Variants in APC observed in about 807,000 individuals in gnomAD.
The protein encoded by APC is adenomatous polyposis coli protein.
A neutral mutation model predicts 247.0 loss-of-function variants in APC; 72 were observed. That is an observed-to-expected ratio of 0.29 (90% CI 0.24 to 0.35). The LOEUF (loss-of-function observed/expected upper bound fraction) is 0.35. APC is among the 10% of genes least tolerant of loss of function. APC has a pLI of 1.00. For missense variants in APC, 3,400 were observed against 3,360.7 expected, an observed-to-expected ratio of 1.01 and a Z score of -0.29; for synonymous variants, 1,254 against 1,162.5, an observed-to-expected ratio of 1.08 and a Z score of -1.60.
chr5:112,835,138 G>C lies in APC; in HGVS notation c.1931G>C (p.Ser644Thr), dbSNP rs1285828931. The C allele has an allele frequency of 6.2e-7, 1 of 1,614,006 alleles. No individual in the cohort carries two copies. Among genetic ancestry groups the C allele is most frequent in the African/African-American group, 1.3e-5 (1 of 75,028 alleles). ...SGGGILRNVS[S>T]LIATNEDHRQ... ...GGTGGGATATTACGGAATGTGTCCA[G>C]CTTGATAGCTACAAATGAGGACCAC... The change falls in exon 15 of 16, where the codon AGC becomes ACC. Residue 644 changes from serine to threonine, a missense_variant. By Grantham distance (58) the Ser-to-Thr change is moderately conservative. Around this residue, in one of 9 missense-constraint regions of APC, gnomAD observed 184 missense variants for 248.0 expected, o/e 0.74. Transcript: ENST00000257430.
chr5:112,819,445 G>T (rs1041215252), intron 10 of APC, 101 bp downstream of exon 10: 1 of 1,456,902 alleles, frequency 6.9e-7, no homozygotes, highest in East Asian at 2.3e-5. Flanking sequence ...TTATGACTAA[G>T]AGGAGAAAAT....
chr5:112,835,597 G>C (rs1764805602), intron 15 of APC, among the ~76,000 whole-genome samples: 3 of 145,302 alleles, frequency 2.1e-5, no homozygotes, highest in Admixed American at 1.4e-4. Context: ...TTTTGAGACA[G>C]GGTCTCACTC....
intron 3 of APC, among the ~76,000 whole-genome samples, chr5:112,766,974 A>T (rs1756404791): frequency 6.6e-6 from 1 of 152,230 alleles, no homozygotes. Context: ...CTAAGGAAGT[A>T]CATTTTATCT....
intron 5 of APC, among the ~76,000 whole-genome samples, chr5:112,779,606 A>C (rs1326950225): frequency 1.3e-5 from 2 of 152,230 alleles, no homozygotes; most frequent in Non-Finnish European, 2.9e-5. Context: ...CCTACTTATC[A>C]AAACATTACT....
At chr5:112,708,777 G>C (rs1236327674) in intron 1 of APC, among the ~76,000 whole-genome samples, 1 of 152,158 alleles carries the variant, frequency 6.6e-6, no homozygotes, top group Non-Finnish European at 1.5e-5. Flanking sequence ...ATTCTCGATT[G>C]TTGTTACTGT....
rs557657050 is a variant in APC at position 112,754,220 on chromosome 5, A to G, written c.-18-653A>G. On this transcript the variant is annotated intron_variant, in intron 1 of 15. Coordinates refer to ENST00000257430, the MANE Select transcript of APC (RefSeq NM_000038.6). ...TAGGCTATTATAGTCAACCTTTTGA[A>G]TAAATGTGATTGAACTTTATGTTAG... 3.9e-5 allele frequency among the ~76,000 whole-genome samples: 6 copies of G among 152,282 alleles called. No homozygotes were observed. The South Asian group carries it at 1.2e-3, about 32-fold the overall frequency.
chr5:112,719,063 T>G (rs1439662450), intron 1 of APC, among the ~76,000 whole-genome samples: 1 of 152,154 alleles, frequency 6.6e-6, no homozygotes, highest in East Asian at 1.9e-4. Flanking sequence ...AGGGTAGGAA[T>G]TATGTAAGCA....
chr5:112,842,540 C>T lies in APC; in HGVS notation c.6946C>T (p.Pro2316Ser), dbSNP rs2149976923. The T allele has an allele frequency of 6.2e-7, 1 of 1,613,996 alleles. No homozygotes were observed. The highest frequency in any genetic ancestry group is 1.3e-5 in the African/African-American group (1 of 75,026). ...DSTPSRPAQQ[P>S]LSRPIQSPGR... Reference sequence around the variant, plus strand: ...GACCCCTTCAAGACCTGCCCAGCAACCATTAAGTAGACCTATACAGTCTCC... The same window carrying T: ...GACCCCTTCAAGACCTGCCCAGCAATCATTAAGTAGACCTATACAGTCTCC... The change falls in exon 16 of 16, where the codon CCA becomes TCA. Residue 2316 changes from proline to serine, a missense_variant. This residue lies in a region of APC where 1,788 missense variants were observed against 1,649.5 expected (regional missense o/e 1.08). Transcript: ENST00000257430.
chr5:112,815,391 A>G (rs1312920347), intron 8 of APC, 104 bp from the exon 9 acceptor site: 7 of 787,264 alleles, frequency 8.9e-6, no homozygotes, highest in South Asian at 1.4e-5. Context: ...TGATGTATTT[A>G]ATTGTTTATC....
rs1760163690 is a variant in APC, at chr5:112,795,883, C to T, written c.729+3354C>T. On this transcript the variant is annotated intron_variant, in intron 7 of 15. Coordinates refer to ENST00000257430, the MANE Select transcript of APC (RefSeq NM_000038.6). ...CAAGAGAAAGAGATGAGTGAAACTACAGAGTAAAGATGAAGGGACATCCTG... is the reference window on the plus strand; with the variant it reads ...CAAGAGAAAGAGATGAGTGAAACTATAGAGTAAAGATGAAGGGACATCCTG... Among the ~76,000 whole-genome samples, 6 of 152,070 alleles carry T rather than the reference C, an allele frequency of 3.9e-5. No homozygotes were observed. The South Asian group carries it at 1.0e-3, about 26-fold the overall frequency.
rs1245729895 is a variant in APC, at chr5:112,718,169, T to G, written c.165+10287T>G. Among the ~76,000 whole-genome samples, 7 of 152,170 alleles carry G rather than the reference T, an allele frequency of 4.6e-5. No homozygotes were observed. In the South Asian group the frequency reaches 8.3e-4, roughly 18 times the overall value. ...TAAGTGTGGCCTTTATCCCCTTGAA[T>G]GTAGTAAGCATAGTTATTTTTCAGT... On this transcript the variant is annotated intron_variant, in intron 1 of 13. Coordinates refer to the APC transcript ENST00000507379.
At chr5:112,792,258 A>G (rs1759701980) in intron 6 of APC, among the ~76,000 whole-genome samples, 188 bp from the exon 7 acceptor site, 1 of 152,046 alleles carries the variant, frequency 6.6e-6, no homozygotes, top group Non-Finnish European at 1.5e-5. Flanking sequence ...AAAAAAAAGA[A>G]AAAAAGAAAA....
upstream of APC, among the ~76,000 whole-genome samples, chr5:112,734,443 A>C (rs1752262586): frequency 1.3e-5 from 2 of 152,202 alleles, no homozygotes; most frequent in South Asian, 4.1e-4. Context: ...AAGGTTTCTA[A>C]ATCTGAGCTT....
intron 7 of APC, among the ~76,000 whole-genome samples, chr5:112,795,979 A>G (rs1760175670): frequency 6.6e-6 from 1 of 152,230 alleles, no homozygotes; most frequent in Non-Finnish European, 1.5e-5. Flanking sequence ...GATTAAGTCC[A>G]AGAAGATGAA....
At chr5:112,773,659 G>A (rs1757295379) in intron 4 of APC, among the ~76,000 whole-genome samples, 1 of 152,138 alleles carries the variant, frequency 6.6e-6, no homozygotes, top group Non-Finnish European at 1.5e-5. Flanking sequence ...GGGAATTCTT[G>A]TATAAGTGGA....
intron 6 of APC, among the ~76,000 whole-genome samples, chr5:112,788,252 A>G (rs1338461622): frequency 6.6e-6 from 1 of 152,176 alleles, no homozygotes; most frequent in African/African-American, 2.4e-5. Context: ...AAAATGTAGT[A>G]TTCTGCCTTA....
intron 1 of APC, among the ~76,000 whole-genome samples, chr5:112,715,052 C>T (rs1751079312): frequency 6.6e-6 from 1 of 152,140 alleles, no homozygotes. Context: ...ATTTTTGAAT[C>T]CTGAATTATG....
rs2149897889 is a variant in APC at position 112,839,323 on chromosome 5, T to A, written c.3729T>A (p.Pro1243=). ...PSSAQSRSGQ[P]QKAATCKVSS... ...CTGCACAGAGTAGAAGTGGTCAGCC[T>A]CAAAAGGCTGCCACTTGCAAAGTTT... Residue 1243 remains proline (P), a synonymous_variant, in exon 16 of 16, where the codon CCT becomes CCA. Transcript: ENST00000257430. The surrounding 1 kb of genome is among the most constrained non-coding windows in gnomAD (Gnocchi z 5.0). 6.2e-7 allele frequency: 1 copy of A among 1,613,422 alleles called. No homozygotes were observed. Among genetic ancestry groups the A allele is most frequent in the Non-Finnish European group, 8.5e-7 (1 of 1,179,680 alleles).
rs570467572 is a variant in APC at position 112,775,601 on chromosome 5, G to A, written c.423-28G>A. 186 of 1,384,788 alleles carry A rather than the reference G, an allele frequency of 1.3e-4. 3 individuals carry two copies. The South Asian group carries it at 2.0e-3, about 15-fold the overall frequency. 85.8% of individuals were successfully genotyped at this position (1,384,788 alleles called of 1,614,324 possible). A position where few individuals can be genotyped will look rare whatever the true frequency, so the allele number is the denominator to read the frequency against. On this transcript the variant is annotated intron_variant, in intron 4 of 15. Coordinates refer to ENST00000257430, the MANE Select transcript of APC (RefSeq NM_000038.6). The stretch of plus-strand genomic sequence containing the variant: ...CAGTCTTTATTAGCATTGTTTAAAC[G>A]TACCTTTTTTTAAAAAAAAAAAAAT...
Sources: gnomAD v4.1 joint callset for allele counts (sites outside exome capture counted in the v4.1 genomes callset) on GRCh38, gnomAD v4.1.1 for gene constraint, gnomAD v4.1.1 regional missense constraint, Gnocchi (gnomAD v3.1) non-coding constraint, MANE v1.5 for transcripts, NCBI Gene and HGNC (gene_info 2026-07-23, HGNC 2026-07-21) for gene names.